The following SCHIP1 variants were observed in gnomAD, a reference collection of about 807,000 sequenced individuals.
SCHIP1 encodes schwannomin interacting protein 1, also known as schwannomin-interacting protein 1.
A neutral mutation model predicts 29.7 loss-of-function variants in SCHIP1; 8 were observed. The ratio of observed to expected loss-of-function variants is 0.27; its 90% CI spans 0.16 to 0.49. The LOEUF is 0.49. SCHIP1 is among the 20% of genes least tolerant of loss of function. SCHIP1 has a pLI of 0.99. For missense variants in SCHIP1, 193 were observed against 294.6 expected (o/e 0.66, Z 2.52); for synonymous variants, 76 against 94.9 (o/e 0.80, Z 1.16).
the SCHIP1 span, among the ~76,000 whole-genome samples, chr3:159,752,829 G>A: frequency 2.0e-5 from 3 of 152,144 alleles, no homozygotes; most frequent in African/African-American, 4.8e-5. Context: ...GATCCAAACC[G>A]TATCATTTCA....
chr3:159,343,125 A>G, the SCHIP1 span, among the ~76,000 whole-genome samples: 2,477 of 152,238 alleles, frequency 0.016, 56 homozygotes, highest in African/African-American at 0.056. Flanking sequence ...CCTTTTATCT[A>G]CATTCTGGAG....
the SCHIP1 span, among the ~76,000 whole-genome samples, chr3:159,661,252 T>C: frequency 6.6e-6 from 1 of 152,208 alleles, no homozygotes; most frequent in Non-Finnish European, 1.5e-5. Context: ...TTTCCTATTT[T>C]GTTTATTTAC....
At chr3:159,658,502 G>C in the SCHIP1 span, among the ~76,000 whole-genome samples, 1 of 152,160 alleles carries the variant, frequency 6.6e-6, no homozygotes, top group South Asian at 2.1e-4. Context: ...TTTTACTTGT[G>C]TCCAAGATAC....
chr3:159,494,024 G>A, the SCHIP1 span, among the ~76,000 whole-genome samples: 20 of 152,200 alleles, frequency 1.3e-4, no homozygotes, highest in East Asian at 3.5e-3. Flanking sequence ...AAAAAATGAA[G>A]GCAGAAATAA....
the SCHIP1 span, among the ~76,000 whole-genome samples, chr3:159,362,627 C>T: frequency 6.6e-6 from 1 of 152,190 alleles, no homozygotes; most frequent in East Asian, 1.9e-4. Context: ...TCCCTCCACT[C>T]CACCTCAATT....
intron 2 of SCHIP1, among the ~76,000 whole-genome samples, chr3:159,876,616 G>A (rs188509632): frequency 6.6e-6 from 1 of 152,276 alleles, no homozygotes; most frequent in East Asian, 1.9e-4. Flanking sequence ...CACTAAAAAA[G>A]AAAAACTACT....
chr3:159,576,509 T>A, the SCHIP1 span, among the ~76,000 whole-genome samples: 2 of 152,242 alleles, frequency 1.3e-5, no homozygotes, highest in African/African-American at 4.8e-5. Flanking sequence ...GGATTTGTTG[T>A]GCTTAATTTT....
At chr3:159,891,394 AAGGGAGGGAGGGAGGAAGGGAGCG>A (rs1333827663) in intron 5 of SCHIP1, among the ~76,000 whole-genome samples, 1 of 151,650 alleles carries the variant, frequency 6.6e-6, no homozygotes, top group East Asian at 1.9e-4. Context: ...GGAAGGAAGG[AAGGGAGGGAGGGAGGAAGGGAGCG>A]AGGGAGGGAG....
At chr3:159,522,218 A>C in the SCHIP1 span, among the ~76,000 whole-genome samples, 1 of 152,228 alleles carries the variant, frequency 6.6e-6, no homozygotes, top group Non-Finnish European at 1.5e-5. Context: ...CAAAGCCCTC[A>C]GGAGAAAATG....
the SCHIP1 span, among the ~76,000 whole-genome samples, chr3:159,496,866 C>A: frequency 2.0e-5 from 3 of 152,132 alleles, no homozygotes; most frequent in Non-Finnish European, 4.4e-5. Context: ...AAATGTCCAA[C>A]AATGATAGAC....
the SCHIP1 span, among the ~76,000 whole-genome samples, chr3:159,539,288 T>C: frequency 3.6e-5 from 5 of 139,196 alleles, 2 homozygotes; most frequent in Non-Finnish European, 6.6e-5. Context: ...CAATCTTTGA[T>C]TCAAATGGGA....
At chr3:159,521,063 C>T in the SCHIP1 span, among the ~76,000 whole-genome samples, 1 of 152,090 alleles carries the variant, frequency 6.6e-6, no homozygotes, top group South Asian at 2.1e-4. Flanking sequence ...AAAATATTGC[C>T]AACTTGCTTT....
the SCHIP1 span, among the ~76,000 whole-genome samples, chr3:159,425,137 C>T: frequency 7.3e-5 from 11 of 151,504 alleles, no homozygotes; most frequent in African/African-American, 2.2e-4. Flanking sequence ...CATCAACTAA[C>T]GAGCAAAATA....
chr3:159,710,294 A>G, the SCHIP1 span, among the ~76,000 whole-genome samples: 7 of 152,280 alleles, frequency 4.6e-5, no homozygotes, highest in Admixed American at 4.6e-4. Context: ...TTGAAACAAC[A>G]TAGTGGAATC....
At chr3:159,568,401 G>A in the SCHIP1 span, among the ~76,000 whole-genome samples, 623 of 152,010 alleles carry the variant, frequency 4.1e-3, 6 homozygotes, top group African/African-American at 0.014. Flanking sequence ...CATTATGTAT[G>A]TACTATAAAA....
At chr3:159,441,729 C>T in the SCHIP1 span, among the ~76,000 whole-genome samples, 3 of 152,038 alleles carry the variant, frequency 2.0e-5, no homozygotes, top group African/African-American at 7.2e-5. Flanking sequence ...AAGCATAGGG[C>T]CCTGGGACAG....
the SCHIP1 span, among the ~76,000 whole-genome samples, chr3:159,344,579 A>G: frequency 6.6e-6 from 1 of 152,232 alleles, no homozygotes; most frequent in East Asian, 1.9e-4. Context: ...GACACATCCC[A>G]GTTGAGAGAC....
At chr3:159,853,223 G>A (rs1712879670) in intron 1 of SCHIP1, 1 of 491,492 alleles carries the variant, frequency 2.0e-6, no homozygotes, top group Non-Finnish European at 3.6e-6. Flanking sequence ...GTGTCTGTGG[G>A]ACAGAGTGGG....
the SCHIP1 span, among the ~76,000 whole-genome samples, chr3:159,318,217 G>A: frequency 6.6e-6 from 1 of 152,136 alleles, no homozygotes; most frequent in African/African-American, 2.4e-5. Context: ...CCTCCACTGA[G>A]GTCACCTGCT....
Sources: gnomAD v4.1 joint callset for allele counts (sites outside exome capture counted in the v4.1 genomes callset) on GRCh38, gnomAD v4.1.1 for gene constraint, MANE v1.5 for transcripts, NCBI Gene and HGNC (gene_info 2026-07-23, HGNC 2026-07-21) for gene names.